Variants in RAB1A observed in about 807,000 individuals in gnomAD.
The protein encoded by RAB1A is ras-related protein Rab-1A.
RAB1A carries 2 observed loss-of-function variants against 26.0 expected under a neutral mutation model. The observed-to-expected ratio is 0.08, with a 90% CI of 0.03 to 0.24. RAB1A has a LOEUF of 0.24. Among genes scored for constraint, RAB1A ranks in the 10% least tolerant of loss-of-function variants. The pLI is 1.00. For synonymous variants in RAB1A, 84 were observed against 84.9 expected (o/e 0.99, Z 0.06); for missense variants, 100 against 247.0 (o/e 0.40, Z 3.99).
intron 1 of RAB1A, among the ~76,000 whole-genome samples, chr2:65,129,461 G>C (rs1670186002): frequency 6.6e-6 from 1 of 152,130 alleles, no homozygotes; most frequent in Non-Finnish European, 1.5e-5. Context: ...TTTCTACCCC[G>C]AAGATCCTGA....
intron 4 of RAB1A, 51 bp from the exon 5 acceptor site, chr2:65,089,121 G>C (rs1558575080): frequency 3.0e-5 from 44 of 1,490,722 alleles, no homozygotes; most frequent in Non-Finnish European, 3.1e-5. Flanking sequence ...TATAGTTCTG[G>C]AATAAACAGA....
chr2:65,129,872 C>T, intron 1 of RAB1A, 21 bp downstream of exon 1: 5 of 1,591,916 alleles, frequency 3.1e-6, no homozygotes, highest in Non-Finnish European at 4.3e-6. Flanking sequence ...ACCCAGCCGA[C>T]CGGTGCTCTC....
chr2:65,112,147 ATTTT>A (rs371108447), intron 1 of RAB1A, among the ~76,000 whole-genome samples: 1 of 142,374 alleles, frequency 7.0e-6, no homozygotes, highest in Non-Finnish European at 1.5e-5. Context: ...CTAGCTCATG[ATTTT>A]TTTTTTTTTT....
At chr2:65,105,112 T>C (rs1185367830) in intron 1 of RAB1A, among the ~76,000 whole-genome samples, 1 of 152,204 alleles carries the variant, frequency 6.6e-6, no homozygotes. Context: ...CCCAAGATAC[T>C]TAAAACATTC....
At chr2:65,119,178 C>A (rs1411436782) in intron 1 of RAB1A, among the ~76,000 whole-genome samples, 2 of 152,122 alleles carry the variant, frequency 1.3e-5, no homozygotes, top group African/African-American at 4.8e-5. Context: ...GTACTCCAGC[C>A]TGGGTGACAG....
At chr2:65,125,474 T>C (rs1244541626) in intron 1 of RAB1A, among the ~76,000 whole-genome samples, 1 of 145,130 alleles carries the variant, frequency 6.9e-6, no homozygotes, top group Non-Finnish European at 1.5e-5. Flanking sequence ...CAGGCTGGAG[T>C]GCAGTGGCAT....
chr2:65,129,874 G>A lies in RAB1A; in HGVS notation c.23+19C>T, dbSNP rs1193867561. The stretch of plus-strand genomic sequence containing the variant: ...AGCTGGCCCACGGACCCAGCCGACC[G>A]GTGCTCTCCTGAACTCACTATTCGG... On this transcript the variant is annotated intron_variant, in intron 1 of 5. Transcript: ENST00000409784. The A allele has an allele frequency of 2.5e-6, 4 of 1,592,236 alleles. No homozygotes were observed. The highest frequency in any genetic ancestry group is 2.3e-5 in the South Asian group (2 of 87,530).
chr2:65,110,776 A>AT (rs933483034), intron 1 of RAB1A, among the ~76,000 whole-genome samples: 43 of 151,574 alleles, frequency 2.8e-4, no homozygotes, highest in African/African-American at 5.3e-4. Flanking sequence ...CTCTAAAAAT[A>AT]TTTTTTTTAA....
intron 1 of RAB1A, among the ~76,000 whole-genome samples, chr2:65,128,086 T>C (rs376071455): frequency 1.1e-4 from 17 of 152,180 alleles, no homozygotes; most frequent in African/African-American, 3.1e-4. Context: ...CTGGTACTAA[T>C]AGAATGCCTT....
chr2:65,108,460 T>C (rs574158000), intron 1 of RAB1A, among the ~76,000 whole-genome samples: 29 of 152,286 alleles, frequency 1.9e-4, no homozygotes, highest in African/African-American at 7.0e-4. Flanking sequence ...TTAAATTACC[T>C]TTTTCAACCA....
At chr2:65,091,174 G>A in intron 3 of RAB1A, 96 bp from the exon 4 acceptor site, 1 of 895,052 alleles carries the variant, frequency 1.1e-6, no homozygotes, top group Non-Finnish European at 1.8e-6. Flanking sequence ...TTTCATAACT[G>A]TGGAGATTAT....
Position 65,104,679 on chromosome 2 carries a change from C to T in RAB1A, c.96+55G>A, listed in dbSNP as rs1037442878. 3.2e-6 allele frequency: 4 copies of T among 1,253,344 alleles called. No individual in the cohort carries two copies. In the East Asian group the frequency reaches 1.0e-4, roughly 32 times the overall value. The allele number at this position is 1,253,344 out of a possible 1,614,324, so 77.6% of individuals were successfully genotyped here. On this transcript the variant is annotated intron_variant, in intron 2 of 5. Coordinates refer to ENST00000409784, the MANE Select transcript of RAB1A (RefSeq NM_004161.5). ...TGTTTAATTTTATCTACCTAGAAAACATACATAGCATTAATTGTACCATTA... is the reference window on the plus strand; with the variant it reads ...TGTTTAATTTTATCTACCTAGAAAATATACATAGCATTAATTGTACCATTA...
At chr2:65,111,474 A>G (rs1450103292) in intron 1 of RAB1A, among the ~76,000 whole-genome samples, 1 of 152,226 alleles carries the variant, frequency 6.6e-6, no homozygotes, top group Non-Finnish European at 1.5e-5. Flanking sequence ...AAAAAGAAGG[A>G]AAGACTGAGA....
chr2:65,118,962 G>A (rs1669886297), intron 1 of RAB1A, among the ~76,000 whole-genome samples: 1 of 152,040 alleles, frequency 6.6e-6, no homozygotes, highest in African/African-American at 2.4e-5. Flanking sequence ...GTCAAAGAGT[G>A]AGGATTGCTT....
intron 1 of RAB1A, among the ~76,000 whole-genome samples, chr2:65,119,841 C>CAAAAAAAAA (rs1178958164): frequency 1.9e-4 from 7 of 36,414 alleles, no homozygotes; most frequent in African/African-American, 6.9e-4. Context: ...CCTGTCTCTA[C>CAAAAAAAAA]AAAAAAAAAA....
chr2:65,103,973 T>C (rs1573074399), intron 2 of RAB1A, among the ~76,000 whole-genome samples: 1 of 151,718 alleles, frequency 6.6e-6, no homozygotes, highest in Admixed American at 6.6e-5. Flanking sequence ...AGAGACGGGG[T>C]TTCACCGTGT....
intron 1 of RAB1A, among the ~76,000 whole-genome samples, chr2:65,113,880 G>A (rs1235768311): frequency 6.6e-6 from 1 of 152,186 alleles, no homozygotes; most frequent in Non-Finnish European, 1.5e-5. Context: ...TGGATTGACG[G>A]TTTCTTCTTT....
At chr2:65,094,833 G>A (rs986798347) in intron 3 of RAB1A, among the ~76,000 whole-genome samples, 1 of 152,084 alleles carries the variant, frequency 6.6e-6, no homozygotes, top group Middle Eastern at 3.2e-3. Flanking sequence ...TAAAATGTAA[G>A]AATAACCCAA....
intron 3 of RAB1A, among the ~76,000 whole-genome samples, chr2:65,092,166 G>A (rs1021193163): frequency 3.3e-5 from 5 of 152,048 alleles, no homozygotes; most frequent in African/African-American, 7.2e-5. Flanking sequence ...CCAGCTACTC[G>A]AGAGGCTGAG....
Sources: gnomAD v4.1 joint callset for allele counts (sites outside exome capture counted in the v4.1 genomes callset) on GRCh38, gnomAD v4.1.1 for gene constraint, MANE v1.5 for transcripts, NCBI Gene and HGNC (gene_info 2026-07-23, HGNC 2026-07-21) for gene names.